Variants in LARGE1 observed in about 807,000 individuals in gnomAD.
LARGE1 encodes the protein LARGE xylosyl- and glucuronyltransferase 1.
LARGE1 carries 43 observed loss-of-function variants against 87.6 expected under a neutral mutation model. That is an observed-to-expected ratio of 0.49 (90% confidence interval 0.38 to 0.63). The LOEUF is 0.63. Ranked by LOEUF, LARGE1 falls within the 30% of genes least tolerant of loss-of-function variation. The pLI is 0.00. For missense variants in LARGE1, 802 were observed against 1,000.2 expected (o/e 0.80, Z 2.67); for synonymous variants, 434 against 394.6 (o/e 1.10, Z -1.18).
At chr22:33,508,733 C>A (rs1343802332) in intron 6 of LARGE1, among the ~76,000 whole-genome samples, 1 of 152,164 alleles carries the variant, frequency 6.6e-6, no homozygotes, top group Admixed American at 6.5e-5. Flanking sequence ...CTCATCCTGG[C>A]AAGCATTAAA....
intron 12 of LARGE1, among the ~76,000 whole-genome samples, chr22:33,296,567 TTC>T (rs1933293549): frequency 6.9e-6 from 1 of 144,698 alleles, no homozygotes; most frequent in Non-Finnish European, 1.5e-5. Context: ...CTTTTTTCTT[TTC>T]TTTTTTTTTT....
intron 6 of LARGE1, among the ~76,000 whole-genome samples, chr22:33,509,898 G>T (rs943181849): frequency 6.6e-6 from 1 of 152,150 alleles, no homozygotes; most frequent in African/African-American, 2.4e-5. Context: ...GTTTACCTGG[G>T]CTTCACCAAC....
chr22:33,154,924 C>T, the LARGE1 span, among the ~76,000 whole-genome samples: 154 of 152,280 alleles, frequency 1.0e-3, 1 homozygote, highest in Middle Eastern at 0.024. Context: ...ATGGTGAATA[C>T]GTCTCATGAG....
chr22:33,409,935 T>A (rs138523169), intron 7 of LARGE1, among the ~76,000 whole-genome samples: 1 of 149,338 alleles, frequency 6.7e-6, no homozygotes, highest in Non-Finnish European at 1.5e-5. Flanking sequence ...AGTCTAGGAG[T>A]TCAGTGATGG....
At chr22:33,307,453 C>A (rs986385795) in intron 11 of LARGE1, among the ~76,000 whole-genome samples, 1 of 152,010 alleles carries the variant, frequency 6.6e-6, no homozygotes, top group African/African-American at 2.4e-5. Context: ...CAAGTAAGAG[C>A]GTGTTCTTCT....
Position 33,820,925 on chromosome 22 carries a change from C to T in LARGE1, c.-82-59367G>A, listed in dbSNP as rs183413635. Among the ~76,000 whole-genome samples the T allele has an allele frequency of 5.3e-4, 80 of 152,268 alleles. No individual in the cohort carries two copies. The East Asian group carries it at 0.012, about 23-fold the overall frequency. ...CCTCTTCTGCCTCCCACATGGCTCT[C>T]TGTTCCAGGGTAGCTGACACCCTGC... On this transcript the variant is annotated intron_variant, in intron 1 of 14. Transcript: ENST00000397394.
chr22:33,546,354 C>G (rs1569257226), intron 6 of LARGE1, among the ~76,000 whole-genome samples: 1 of 152,142 alleles, frequency 6.6e-6, no homozygotes, highest in Non-Finnish European at 1.5e-5. Flanking sequence ...ATTTGTTCCC[C>G]TTTTCCCAGG....
intron 1 of LARGE1, among the ~76,000 whole-genome samples, chr22:33,789,037 G>A (rs544893952): frequency 6.6e-6 from 1 of 152,330 alleles, no homozygotes; most frequent in South Asian, 2.1e-4. Flanking sequence ...CCAAGACAAT[G>A]AGGAAAATGT....
At chr22:33,744,461 T>C (rs1216813125) in intron 2 of LARGE1, 1 of 152,338 alleles carries the variant, frequency 6.6e-6, no homozygotes, top group Admixed American at 6.5e-5. Flanking sequence ...ATGCCTGGCG[T>C]ACCTGGGAGC....
At chr22:33,917,392 A>C (rs1300402940) in intron 1 of LARGE1, among the ~76,000 whole-genome samples, 1 of 152,222 alleles carries the variant, frequency 6.6e-6, no homozygotes, top group Non-Finnish European at 1.5e-5. Flanking sequence ...TGTGGACATT[A>C]ATGATTTCAT....
chr22:33,377,812 T>A (rs184806837), intron 9 of LARGE1, among the ~76,000 whole-genome samples: 1 of 152,328 alleles, frequency 6.6e-6, no homozygotes, highest in Admixed American at 6.5e-5. Context: ...AGTTCACTAA[T>A]TCTCTCTTCA....
At chr22:33,630,841 AT>A (rs986815555) in intron 3 of LARGE1, among the ~76,000 whole-genome samples, 4 of 150,540 alleles carry the variant, frequency 2.7e-5, no homozygotes, top group Non-Finnish European at 5.9e-5. Context: ...CAAATTTAAA[AT>A]TTTTTTTAAC....
chr22:33,131,566 G>T, the LARGE1 span, among the ~76,000 whole-genome samples: 9 of 152,106 alleles, frequency 5.9e-5, no homozygotes, highest in Non-Finnish European at 1.3e-4. Flanking sequence ...GAAGGCAAAG[G>T]AGAAGCAAAG....
chr22:33,846,678 A>G (rs2063440405), intron 1 of LARGE1, among the ~76,000 whole-genome samples: 2 of 152,344 alleles, frequency 1.3e-5, no homozygotes, highest in South Asian at 2.1e-4. Context: ...AAGAGAATAC[A>G]TGCCTGGGGG....
At chr22:33,335,516 G>T (rs1938336841) in intron 10 of LARGE1, among the ~76,000 whole-genome samples, 1 of 152,122 alleles carries the variant, frequency 6.6e-6, no homozygotes, top group Non-Finnish European at 1.5e-5. Context: ...CCTGCCATTG[G>T]GAGCCTAAAA....
the LARGE1 span, among the ~76,000 whole-genome samples, chr22:33,149,040 C>CT: frequency 0.011 from 1,481 of 136,864 alleles, 11 homozygotes; most frequent in Non-Finnish European, 0.013. Context: ...TTCTTTTTTT[C>CT]TTTTTTTTTT....
rs544886888 is a variant in LARGE1 at position 33,777,772 on chromosome 22, C to T, written c.-82-16214G>A. ...AAGGAAGGACTAATGACCTTGAGGC[C>T]GAGCACAAGAACGGCTTGTTTAGGT... On this transcript the variant is annotated intron_variant, in intron 1 of 14. Transcript: ENST00000397394. Among the ~76,000 whole-genome samples the T allele has an allele frequency of 2.5e-4, 38 of 152,096 alleles. 1 individual carries two copies. The highest frequency in any genetic ancestry group is 4.6e-4 in the Admixed American group (7 of 15,268).
intron 2 of LARGE1, among the ~76,000 whole-genome samples, chr22:33,719,531 A>ATTTATTTATTTTTTTT (rs1202304747): frequency 6.7e-5 from 10 of 149,714 alleles, no homozygotes; most frequent in African/African-American, 2.5e-4. Flanking sequence ...TTATTTATTT[A>ATTTATTTATTTTTTTT]TTTTTTTGAG....
At chr22:33,394,737 GTGTGTGTA>G (rs1421388617) in intron 7 of LARGE1, among the ~76,000 whole-genome samples, 10 of 140,972 alleles carry the variant, frequency 7.1e-5, no homozygotes, top group Admixed American at 3.5e-4. Context: ...GTGTGTGTGT[GTGTGTGTA>G]TGTGTGTGTG....
Sources: gnomAD v4.1 joint callset for allele counts (sites outside exome capture counted in the v4.1 genomes callset) on GRCh38, gnomAD v4.1.1 for gene constraint, MANE v1.5 for transcripts, NCBI Gene and HGNC (gene_info 2026-07-23, HGNC 2026-07-21) for gene names.